The following SLC35F4 variants were observed in gnomAD, a reference collection of about 807,000 sequenced individuals.
SLC35F4 encodes chromosome 14 open reading frame 36.
Under a neutral mutation model 44.2 loss-of-function variants are expected in SLC35F4, and 24 were observed. That is an observed-to-expected ratio of 0.54 (90% CI 0.39 to 0.76). The LOEUF (loss-of-function observed/expected upper bound fraction) is 0.76, where lower values mean the gene tolerates loss of function less well. Among genes scored for constraint, SLC35F4 ranks in the 30% least tolerant of loss-of-function variants. The probability of loss-of-function intolerance (pLI) is 0.00; values close to 1 mark genes in which losing one functional copy is unlikely to be tolerated. For synonymous variants in SLC35F4, 238 were observed against 223.6 expected (o/e 1.06, Z -0.57); for missense variants, 562 against 586.1 (o/e 0.96, Z 0.42).
chr14:57,671,093 G>A (rs1421089270), intron 1 of SLC35F4, among the ~76,000 whole-genome samples: 1 of 151,672 alleles, frequency 6.6e-6, no homozygotes, highest in Non-Finnish European at 1.5e-5. Context: ...TAGTAGAGAA[G>A]GGGTTTCACT....
chr14:57,789,372 A>G (rs1187677482), intron 1 of SLC35F4, among the ~76,000 whole-genome samples: 1 of 152,234 alleles, frequency 6.6e-6, no homozygotes, highest in Non-Finnish European at 1.5e-5. Flanking sequence ...AAACACTTCT[A>G]TGCAAATAAA....
At chr14:57,870,122 A>ATC (rs1555399092), upstream of SLC35F4, among the ~76,000 whole-genome samples, 20 of 121,368 alleles carry the variant, frequency 1.6e-4, no homozygotes, top group Admixed American at 1.5e-3. Flanking sequence ...TTTGTCTATG[A>ATC]TCTGTGTGTG....
intron 1 of SLC35F4, among the ~76,000 whole-genome samples, chr14:57,670,105 G>A (rs145233297): frequency 0.026 from 3,902 of 152,046 alleles, 182 homozygotes; most frequent in African/African-American, 0.088. Context: ...TGGATTTTCT[G>A]GTTTATTTGC....
At chr14:57,626,479 G>A (rs1267702980) in intron 1 of SLC35F4, among the ~76,000 whole-genome samples, 3 of 152,048 alleles carry the variant, frequency 2.0e-5, no homozygotes, top group Non-Finnish European at 2.9e-5. Flanking sequence ...TTTATCTGGG[G>A]TCCAGGGACA....
intron 1 of SLC35F4, among the ~76,000 whole-genome samples, chr14:57,815,980 G>A (rs1432030446): frequency 1.3e-5 from 2 of 152,144 alleles, no homozygotes; most frequent in Non-Finnish European, 2.9e-5. Flanking sequence ...TGATAAAGAA[G>A]CAAATAGAGA....
chr14:57,695,797 T>G (rs1432091113), intron 1 of SLC35F4, among the ~76,000 whole-genome samples: 1 of 152,114 alleles, frequency 6.6e-6, no homozygotes, highest in Non-Finnish European at 1.5e-5. Context: ...ATAGACTGGA[T>G]TAAGAAAATG....
intron 1 of SLC35F4, among the ~76,000 whole-genome samples, chr14:57,805,822 T>C (rs1019244686): frequency 1.3e-5 from 2 of 152,160 alleles, no homozygotes; most frequent in African/African-American, 4.8e-5. Context: ...CAATCATCTA[T>C]AAATTGCTTA....
intron 1 of SLC35F4, among the ~76,000 whole-genome samples, chr14:57,815,414 T>A (rs1205072147): frequency 6.6e-6 from 1 of 152,202 alleles, no homozygotes; most frequent in Non-Finnish European, 1.5e-5. Context: ...TATTGGCAAA[T>A]TGGCATCTAA....
chr14:57,925,429 A>T (rs1304760094), intron 1 of SLC35F4, among the ~76,000 whole-genome samples: 1 of 150,254 alleles, frequency 6.7e-6, no homozygotes, highest in Non-Finnish European at 1.5e-5. Context: ...GTTGACCTCA[A>T]AGACCGAGAT....
chr14:57,654,143 A>G (rs553890668), intron 1 of SLC35F4, among the ~76,000 whole-genome samples: 1 of 152,042 alleles, frequency 6.6e-6, no homozygotes, highest in East Asian at 1.9e-4. Flanking sequence ...TTCATAGTTC[A>G]AGTATTTCAT....
chr14:57,949,825 AT>A (rs1890102953), intron 1 of SLC35F4, among the ~76,000 whole-genome samples: 1 of 152,172 alleles, frequency 6.6e-6, no homozygotes, highest in Admixed American at 6.5e-5. Flanking sequence ...GCTGACAATT[AT>A]TTTGTTTAAG....
intron 1 of SLC35F4, among the ~76,000 whole-genome samples, chr14:57,686,327 A>G (rs1366705554): frequency 6.6e-6 from 1 of 152,088 alleles, no homozygotes; most frequent in East Asian, 1.9e-4. Flanking sequence ...TATTTATACT[A>G]CTCAAGCTGT....
At chr14:57,786,101 C>T (rs529128234) in intron 1 of SLC35F4, among the ~76,000 whole-genome samples, 19 of 152,144 alleles carry the variant, frequency 1.2e-4, no homozygotes, top group South Asian at 6.2e-4. Flanking sequence ...GTGAGACTGG[C>T]CTTCAGTTTG....
intron 1 of SLC35F4, among the ~76,000 whole-genome samples, chr14:57,909,432 A>C (rs1889172151): frequency 6.6e-6 from 1 of 151,752 alleles, no homozygotes; most frequent in South Asian, 2.1e-4. Flanking sequence ...AAAATCCTCA[A>C]TGCTCCACCA....
chr14:57,864,303 T>C (rs1057132121), intron 1 of SLC35F4, among the ~76,000 whole-genome samples: 1 of 152,204 alleles, frequency 6.6e-6, no homozygotes, highest in Admixed American at 6.5e-5. Context: ...TTTGAGTGTA[T>C]AGTACTTCAA....
chr14:57,928,560 C>T (rs958391049), intron 1 of SLC35F4, among the ~76,000 whole-genome samples: 1 of 152,240 alleles, frequency 6.6e-6, no homozygotes, highest in Non-Finnish European at 1.5e-5. Context: ...GCTATGCCCT[C>T]CCTTCCCCTG....
At chr14:57,725,648 C>G (rs11851403) in intron 1 of SLC35F4, among the ~76,000 whole-genome samples, 5,019 of 152,230 alleles carry the variant, frequency 0.033, 181 homozygotes, top group African/African-American at 0.092. Context: ...ATCATGTTGC[C>G]CATCATCCTG....
intron 1 of SLC35F4, among the ~76,000 whole-genome samples, chr14:57,810,186 A>G (rs974992909): frequency 2.1e-4 from 32 of 152,102 alleles, no homozygotes; most frequent in African/African-American, 6.3e-4. Flanking sequence ...CCCCCATCCT[A>G]GGGAAAGAGG....
intron 1 of SLC35F4, among the ~76,000 whole-genome samples, chr14:57,787,711 A>T (rs902322378): frequency 2.6e-5 from 4 of 152,202 alleles, no homozygotes; most frequent in African/African-American, 9.6e-5. Flanking sequence ...AAATCCTGAG[A>T]GAATTCGCTA....
Sources: allele counts gnomAD v4.1 joint callset (sites outside exome capture counted in the v4.1 genomes callset), GRCh38; gene constraint gnomAD v4.1.1; transcripts MANE v1.5; gene names NCBI Gene and HGNC (gene_info 2026-07-23, HGNC 2026-07-21).